Variants in GFOD1 observed in about 807,000 individuals in gnomAD.
GFOD1 encodes Gfo/Idh/MocA-like oxidoreductase domain containing 1.
Under a neutral mutation model 25.4 loss-of-function variants are expected in GFOD1, and 9 were observed. That is an observed-to-expected ratio of 0.35 (90% CI 0.21 to 0.62). The LOEUF (loss-of-function observed/expected upper bound fraction) is 0.62, where lower values mean the gene tolerates loss of function less well. Ranked by LOEUF, GFOD1 falls within the 20% of genes least tolerant of loss-of-function variation. The probability of loss-of-function intolerance (pLI) is 0.72; values close to 1 mark genes in which losing one functional copy is unlikely to be tolerated. For missense variants in GFOD1, 403 were observed against 556.9 expected, an observed-to-expected ratio of 0.72 and a Z score of 2.78; for synonymous variants, 253 against 245.6, an observed-to-expected ratio of 1.03 and a Z score of -0.28.
At position 13,361,230 on chromosome 6, in the gene GFOD1, T is replaced by C. The variant is rs1213041113; in HGVS notation, c.*3513A>G. 9.6e-6 allele frequency: 2 copies of C among 207,864 alleles called. No individual in the cohort carries two copies. Among genetic ancestry groups the C allele is most frequent in the African/African-American group, 4.7e-5 (2 of 42,624 alleles). 12.9% of individuals were successfully genotyped at this position (207,864 alleles called of 1,614,324 possible). ...TGCAATTGTCTGTTGAGAGGAGAAG[T>C]CTTGGAGGAGCTGACAGTGATCACA... On this transcript the variant is annotated 3_prime_UTR_variant, in exon 2 of 2. Transcript: ENST00000379287.
At chr6:13,477,295 TG>T (rs1173168933) in intron 1 of GFOD1, among the ~76,000 whole-genome samples, 1 of 150,586 alleles carries the variant, frequency 6.6e-6, no homozygotes, top group Non-Finnish European at 1.5e-5. Context: ...CGCACAATTG[TG>T]GGGTTGGCAA....
In GFOD1 at chr6:13,364,599, T is replaced by C. The variant is rs899806907; in HGVS notation, c.*144A>G. 2 of 714,236 alleles carry C rather than the reference T, an allele frequency of 2.8e-6. No homozygotes were observed. The highest frequency in any genetic ancestry group is 3.6e-5 in the African/African-American group (2 of 56,114). 44.2% of individuals were successfully genotyped at this position (714,236 alleles called of 1,614,324 possible). A position where few individuals can be genotyped will look rare whatever the true frequency, so the allele number is the denominator to read the frequency against. On this transcript the variant is annotated 3_prime_UTR_variant, in exon 2 of 2. Transcript: ENST00000379287. The surrounding 1 kb of genome is among the most constrained non-coding windows in gnomAD (Gnocchi z 4.1). ...GGGGTCGGTCACCGGGATTGGAGTT[T>C]ACCTTCCTAGATGCCATTTATTCAC...
rs148003565 is a variant in GFOD1 at position 13,374,658 on chromosome 6, T to TC, written c.254-8997_254-8996insG. On this transcript the variant is annotated intron_variant, in intron 1 of 1. Coordinates refer to ENST00000379287, the MANE Select transcript of GFOD1 (RefSeq NM_018988.4). ...AATAATTATACATATTGCTGGGGTA[T>TC]AGTGATGTTTCAATACATATAATGT... Among the ~76,000 whole-genome samples, 1,418 of 151,474 alleles carry TC rather than the reference T, an allele frequency of 9.4e-3. 25 individuals carry two copies. The highest frequency in any genetic ancestry group is 0.033 in the African/African-American group (1,344 of 41,234).
chr6:13,374,536 CCT>C (rs972644047), intron 1 of GFOD1, among the ~76,000 whole-genome samples: 5 of 151,720 alleles, frequency 3.3e-5, no homozygotes, highest in Non-Finnish European at 5.9e-5. Context: ...GAACTCCTGA[CCT>C]CAAGTGATCT....
At chr6:13,391,499 A>AAAAC (rs1352948297) in intron 1 of GFOD1, among the ~76,000 whole-genome samples, 1 of 137,472 alleles carries the variant, frequency 7.3e-6, no homozygotes. Context: ...CTCCATCTCA[A>AAAAC]AAACAAACAA....
At chr6:13,385,597 T>C (rs1302952285) in intron 1 of GFOD1, among the ~76,000 whole-genome samples, 1 of 152,222 alleles carries the variant, frequency 6.6e-6, no homozygotes, top group African/African-American at 2.4e-5. Flanking sequence ...GACAAGCCAA[T>C]CATCAAGGGT....
Position 13,430,802 on chromosome 6 carries a change from A to G in GFOD1, c.253+55836T>C, listed in dbSNP as rs1757736673. On this transcript the variant is annotated intron_variant, in intron 1 of 1. Coordinates refer to ENST00000379287, the MANE Select transcript of GFOD1 (RefSeq NM_018988.4). The surrounding 1 kb of genome is among the most constrained non-coding windows in gnomAD (Gnocchi z 4.1). ...CCCTCCTCCTCCTGTCAGGCTCGCTACCAAACTCTACTCCTCACCCTCTCT... is the reference window on the plus strand; with the variant it reads ...CCCTCCTCCTCCTGTCAGGCTCGCTGCCAAACTCTACTCCTCACCCTCTCT... 6.6e-6 allele frequency among the ~76,000 whole-genome samples: 1 copy of G among 152,040 alleles called. No homozygotes were observed. The highest frequency in any genetic ancestry group is 1.5e-5 in the Non-Finnish European group (1 of 67,988).
In GFOD1 at chr6:13,362,461, CAAA is replaced by C. The variant is rs770325894; in HGVS notation, c.*2279_*2281del. The C allele has an allele frequency of 1.7e-4, 14 of 80,896 alleles. No homozygotes were observed. The highest frequency in any genetic ancestry group is 3.0e-4 in the Admixed American group (2 of 6,748). The allele number at this position is 80,896 out of a possible 1,614,324, so 5.0% of individuals were successfully genotyped here. A position where few individuals can be genotyped will look rare whatever the true frequency, so the allele number is the denominator to read the frequency against. ...TGGGTGACAGAGCGAGACTCCATTT[CAAA>C]AAAAAAAAAAAAAAAAGAAGAAGAA... is the stretch of plus-strand genomic sequence containing the variant. On this transcript the variant is annotated 3_prime_UTR_variant, in exon 2 of 2. Coordinates refer to ENST00000379287, the MANE Select transcript of GFOD1 (RefSeq NM_018988.4).
In GFOD1 at chr6:13,373,324, C is replaced by T. The variant is rs143336556; in HGVS notation, c.254-7662G>A. 3.8e-3 allele frequency among the ~76,000 whole-genome samples: 579 copies of T among 152,262 alleles called. 7 individuals carry two copies. The highest frequency in any genetic ancestry group is 0.013 in the African/African-American group (522 of 41,540). ...CATAGGAGCTTGCCTATTCATCATTCAGAGTTTGGTTCGGGTATAAAAAAT... is the reference window on the plus strand; with the variant it reads ...CATAGGAGCTTGCCTATTCATCATTTAGAGTTTGGTTCGGGTATAAAAAAT... On this transcript the variant is annotated intron_variant, in intron 1 of 1. Coordinates refer to ENST00000379287, the MANE Select transcript of GFOD1 (RefSeq NM_018988.4).
intron 1 of GFOD1, among the ~76,000 whole-genome samples, chr6:13,390,968 T>C (rs1785593315): frequency 6.6e-6 from 1 of 152,118 alleles, no homozygotes; most frequent in Non-Finnish European, 1.5e-5. Flanking sequence ...CTGAAACCCT[T>C]GAGCACAACC....
At chr6:13,452,222 G>C (rs1240142184) in intron 1 of GFOD1, among the ~76,000 whole-genome samples, 1 of 152,194 alleles carries the variant, frequency 6.6e-6, no homozygotes, top group Non-Finnish European at 1.5e-5. Context: ...GGGGGAGGAT[G>C]CTGTAGTGGG....
In GFOD1 at chr6:13,365,086, A is replaced by AGCTCCT. The variant is rs1263999578; in HGVS notation, c.824_829dup (p.Gln275_Glu276dup). 4 of 1,612,320 alleles carry AGCTCCT rather than the reference A, an allele frequency of 2.5e-6. No individual in the cohort carries two copies. The highest frequency in any genetic ancestry group is 3.4e-6 in the Non-Finnish European group (4 of 1,179,860). ...CACCGGCGTGGCGTCCTGCACCAGC[A>AGCTCCT]GCTCCTGCTCCGGGGCGCTGTTGCG... On this transcript the variant is annotated inframe_insertion, in exon 2 of 2. Coordinates refer to ENST00000379287, the MANE Select transcript of GFOD1 (RefSeq NM_018988.4). The surrounding 1 kb of genome is among the most constrained non-coding windows in gnomAD (Gnocchi z 9.2).
intron 1 of GFOD1, among the ~76,000 whole-genome samples, chr6:13,378,358 C>G (rs550069440): frequency 5.4e-4 from 82 of 152,234 alleles, no homozygotes; most frequent in African/African-American, 1.9e-3. Flanking sequence ...CCCAGCAGAC[C>G]CCAGCATTGT....
chr6:13,455,250 C>T (rs1025697745), intron 1 of GFOD1, among the ~76,000 whole-genome samples: 3 of 152,134 alleles, frequency 2.0e-5, no homozygotes, highest in African/African-American at 4.8e-5. Context: ...TGACCCAACC[C>T]GAACTGAGTT....
At chr6:13,481,345 G>A (rs1490345119) in intron 1 of GFOD1, among the ~76,000 whole-genome samples, 1 of 152,238 alleles carries the variant, frequency 6.6e-6, no homozygotes, top group Non-Finnish European at 1.5e-5. Flanking sequence ...GGATGAGCTG[G>A]TGCAAAGGCC....
rs139273109 is a variant in GFOD1, at chr6:13,375,326, T to G, written c.254-9664A>C. On this transcript the variant is annotated intron_variant, in intron 1 of 1. Coordinates refer to ENST00000379287, the MANE Select transcript of GFOD1 (RefSeq NM_018988.4). ...TATTTTTACTGGCTACACTTGCCTG[T>G]GCACATATATGCAATGTCTGCAGCA... is the stretch of plus-strand genomic sequence containing the variant. 2.0e-4 allele frequency among the ~76,000 whole-genome samples: 31 copies of G among 152,284 alleles called. No individual in the cohort carries two copies. In the East Asian group the frequency reaches 6.0e-3, roughly 29 times the overall value.
chr6:13,378,128 T>C (rs1048797450), intron 1 of GFOD1, among the ~76,000 whole-genome samples: 1 of 152,218 alleles, frequency 6.6e-6, no homozygotes, highest in East Asian at 1.9e-4. Context: ...TCCAGCACCA[T>C]CACCCCCATT....
intron 1 of GFOD1, among the ~76,000 whole-genome samples, chr6:13,381,947 A>G (rs552072746): frequency 1.3e-5 from 2 of 149,968 alleles, no homozygotes; most frequent in East Asian, 3.9e-4. Flanking sequence ...ACACACACAC[A>G]CACACAAACT....
At chr6:13,475,164 T>C (rs1241631380) in intron 1 of GFOD1, among the ~76,000 whole-genome samples, 1 of 151,722 alleles carries the variant, frequency 6.6e-6, no homozygotes, top group East Asian at 1.9e-4. Context: ...AAGAAAAATG[T>C]GACTGTCTAA....
Sources: gnomAD v4.1 joint callset for allele counts (sites outside exome capture counted in the v4.1 genomes callset) on GRCh38, gnomAD v4.1.1 for gene constraint, Gnocchi (gnomAD v3.1) non-coding constraint, MANE v1.5 for transcripts, NCBI Gene and HGNC (gene_info 2026-07-23, HGNC 2026-07-21) for gene names.